Variants in CDK17 observed in about 807,000 individuals in gnomAD.
CDK17 encodes cyclin-dependent kinase 17.
In CDK17, 24 loss-of-function variants were observed where a neutral mutation model predicts 77.6. That is an observed-to-expected ratio of 0.31 (90% CI 0.22 to 0.44). CDK17 has a LOEUF of 0.44. Among genes scored for constraint, CDK17 ranks in the 20% least tolerant of loss-of-function variants. CDK17 has a pLI of 1.00. For synonymous variants in CDK17, 203 were observed against 210.4 expected, an observed-to-expected ratio of 0.96 and a Z score of 0.30; for missense variants, 429 against 622.5, an observed-to-expected ratio of 0.69 and a Z score of 3.31.
intron 1 of CDK17, among the ~76,000 whole-genome samples, chr12:96,362,382 C>T (rs1433378496): frequency 6.6e-6 from 1 of 152,082 alleles, no homozygotes; most frequent in Non-Finnish European, 1.5e-5. Flanking sequence ...CCATGCCTGG[C>T]TAATTTTTCT....
chr12:96,286,876 C>T, intron 11 of CDK17, 115 bp from the exon 12 acceptor site: 2 of 702,758 alleles, frequency 2.8e-6, no homozygotes, highest in Admixed American at 2.4e-5. Context: ...GTCGGAAAAC[C>T]TCTTGAAGGG....
chr12:96,386,598 C>T (rs573939570), intron 1 of CDK17, among the ~76,000 whole-genome samples: 1 of 152,168 alleles, frequency 6.6e-6, no homozygotes, highest in African/African-American at 2.4e-5. Context: ...GCGGAGGTTG[C>T]AGTGAGCTGA....
chr12:96,387,253 C>T lies in CDK17; in HGVS notation c.-30+12733G>A, dbSNP rs534372411. The T allele has an allele frequency of 1.1e-4, 24 of 218,910 alleles. No individual in the cohort carries two copies. In the South Asian group the frequency reaches 1.8e-3, roughly 17 times the overall value. 13.6% of individuals were successfully genotyped at this position (218,910 alleles called of 1,614,324 possible). ...CACACAGCATCCAGCAACCAAGGAC[C>T]GACCAACCCACTAGAAGTATGAATC... On this transcript the variant is annotated intron_variant, in intron 1 of 16. Transcript: ENST00000261211.
chr12:96,392,909 T>C (rs1039343636), intron 1 of CDK17, among the ~76,000 whole-genome samples: 1 of 152,222 alleles, frequency 6.6e-6, no homozygotes, highest in Admixed American at 6.5e-5. Context: ...TTATCTTATA[T>C]GTTACAATAT....
chr12:96,300,394 C>CTTTT, intron 5 of CDK17, 34 bp from the exon 6 acceptor site: 45 of 924,652 alleles, frequency 4.9e-5, no homozygotes, highest in Middle Eastern at 3.1e-4. Context: ...GTAGTATTTA[C>CTTTT]TTTTTTTTTT....
chr12:96,375,156 A>G (rs1275530155), intron 1 of CDK17, among the ~76,000 whole-genome samples: 2 of 152,214 alleles, frequency 1.3e-5, no homozygotes, highest in African/African-American at 4.8e-5. Context: ...TGTACACAAA[A>G]ATGAGTTAAA....
At chr12:96,283,120 T>C (rs1266331000) in intron 14 of CDK17, among the ~76,000 whole-genome samples, 1 of 152,208 alleles carries the variant, frequency 6.6e-6, no homozygotes, top group African/African-American at 2.4e-5. Context: ...CAGTCTTTCC[T>C]ACAATTAATG....
intron 1 of CDK17, among the ~76,000 whole-genome samples, chr12:96,359,262 T>C (rs909420054): frequency 2.6e-5 from 4 of 152,200 alleles, no homozygotes; most frequent in African/African-American, 9.7e-5. Flanking sequence ...AGAACAACTG[T>C]TTTTATCTGA....
In CDK17 at chr12:96,370,825, G is replaced by A. The variant is rs73366576; in HGVS notation, c.-30+29161C>T. ...AGTTTTTTTAAGATTTGTTAACTTC[G>A]TAATGTTTGTTATTTTTAAGTAAAT... On this transcript the variant is annotated intron_variant, in intron 1 of 16. Transcript: ENST00000261211. 5.7e-3 allele frequency among the ~76,000 whole-genome samples: 873 copies of A among 152,056 alleles called. 12 individuals carry two copies. The highest frequency in any genetic ancestry group is 0.019 in the African/African-American group (792 of 41,446).
chr12:96,377,249 T>C (rs1056199914), intron 1 of CDK17, among the ~76,000 whole-genome samples: 1 of 152,196 alleles, frequency 6.6e-6, no homozygotes, highest in Non-Finnish European at 1.5e-5. Context: ...GGTGAAGACT[T>C]TTCTAAATAT....
intron 1 of CDK17, among the ~76,000 whole-genome samples, chr12:96,397,238 G>A (rs989150949): frequency 2.0e-5 from 3 of 151,896 alleles, no homozygotes; most frequent in East Asian, 3.8e-4. Flanking sequence ...TAAAATCTGC[G>A]CTTAGTCAAC....
chr12:96,291,951 A>G (rs997767107), intron 10 of CDK17, among the ~76,000 whole-genome samples: 1 of 152,140 alleles, frequency 6.6e-6, no homozygotes, highest in Non-Finnish European at 1.5e-5. Context: ...TAGCAAACAA[A>G]GAGAAGGAGA....
chr12:96,331,558 A>C (rs1409828280), intron 2 of CDK17, among the ~76,000 whole-genome samples: 1 of 152,138 alleles, frequency 6.6e-6, no homozygotes, highest in African/African-American at 2.4e-5. Context: ...TAGTTTCTAT[A>C]AATAGACAAA....
intron 3 of CDK17, among the ~76,000 whole-genome samples, chr12:96,322,888 G>A (rs1033684295): frequency 6.6e-6 from 1 of 152,102 alleles, no homozygotes; most frequent in Non-Finnish European, 1.5e-5. Context: ...GAACTAGTGT[G>A]AGCCAACTCC....
At position 96,279,670 on chromosome 12, in the gene CDK17, T is replaced by C. The variant is rs1952148319; in HGVS notation, c.*572A>G. On this transcript the variant is annotated 3_prime_UTR_variant, in exon 17 of 17. Transcript: ENST00000261211. Reference sequence around the variant, plus strand: ...GTAATGTGCTTGTCAATCTCTTAGCTACTCTATTTGCCAATGTTCATTAAG... The same window carrying C: ...GTAATGTGCTTGTCAATCTCTTAGCCACTCTATTTGCCAATGTTCATTAAG... 1.3e-5 allele frequency: 2 copies of C among 152,562 alleles called. No homozygotes were observed. The highest frequency in any genetic ancestry group is 2.1e-4 in the South Asian group (1 of 4,830). The allele number at this position is 152,562 out of a possible 1,614,324, so 9.5% of individuals were successfully genotyped here. A position where few individuals can be genotyped will look rare whatever the true frequency, so the allele number is the denominator to read the frequency against.
chr12:96,347,629 AGGGGAGGG>A (rs1953240170), intron 1 of CDK17, among the ~76,000 whole-genome samples: 1 of 15,570 alleles, frequency 6.4e-5, no homozygotes, highest in African/African-American at 2.2e-4. Context: ...AGGGGAAGGG[AGGGGAGGG>A]GAGGGGAGGG....
At chr12:96,391,870 A>G (rs1243374614) in intron 1 of CDK17, among the ~76,000 whole-genome samples, 1 of 152,102 alleles carries the variant, frequency 6.6e-6, no homozygotes, top group Non-Finnish European at 1.5e-5. Flanking sequence ...AATACCACCA[A>G]AACTGTATAG....
chr12:96,338,797 A>T (rs1157370121), intron 1 of CDK17, among the ~76,000 whole-genome samples: 2 of 151,866 alleles, frequency 1.3e-5, no homozygotes, highest in Non-Finnish European at 2.9e-5. Flanking sequence ...TTTTTAAAAA[A>T]GTTGTAAAAT....
At chr12:96,385,012 GAAAAAAA>G (rs75720821) in intron 1 of CDK17, among the ~76,000 whole-genome samples, 424 of 75,534 alleles carry the variant, frequency 5.6e-3, no homozygotes, top group Non-Finnish European at 8.4e-3. Flanking sequence ...TTTCTCAAGG[GAAAAAAA>G]AAAAAAAAAA....
Sources: allele counts gnomAD v4.1 joint callset (sites outside exome capture counted in the v4.1 genomes callset), GRCh38; gene constraint gnomAD v4.1.1; transcripts MANE v1.5; gene names NCBI Gene and HGNC (gene_info 2026-07-23, HGNC 2026-07-21).